The following SLC24A2 variants were observed in gnomAD, a reference collection of about 807,000 sequenced individuals.
SLC24A2 encodes solute carrier family 24 member 2.
SLC24A2 carries 36 observed loss-of-function variants against 62.0 expected under a neutral mutation model. That is an observed-to-expected ratio of 0.58 (90% confidence interval 0.44 to 0.77). The LOEUF is 0.77. Ranked by LOEUF, SLC24A2 falls within the 30% of genes least tolerant of loss-of-function variation. The pLI, the probability that SLC24A2 is intolerant of heterozygous loss-of-function variation, is 0.00. For missense variants in SLC24A2, 846 were observed against 817.9 expected (o/e 1.03, Z -0.42); for synonymous variants, 358 against 294.0 (o/e 1.22, Z -2.23).
At chr9:20,303,594 G>C in the SLC24A2 span, among the ~76,000 whole-genome samples, 6 of 152,078 alleles carry the variant, frequency 3.9e-5, no homozygotes, top group African/African-American at 1.4e-4. Flanking sequence ...CTGGAGGTTT[G>C]CCAAAACAAT....
chr9:19,744,317 C>T (rs186098576), intron 2 of SLC24A2, among the ~76,000 whole-genome samples: 33 of 152,316 alleles, frequency 2.2e-4, no homozygotes, highest in Admixed American at 1.9e-3. Flanking sequence ...AGCCACCTCT[C>T]GCACTGTGTG....
chr9:19,885,220 C>G, the SLC24A2 span, among the ~76,000 whole-genome samples: 5 of 152,172 alleles, frequency 3.3e-5, no homozygotes, highest in African/African-American at 4.8e-5. Flanking sequence ...CCCTTCCTGA[C>G]CCATCACTGT....
chr9:20,244,996 G>A, the SLC24A2 span, among the ~76,000 whole-genome samples: 1 of 152,284 alleles, frequency 6.6e-6, no homozygotes, highest in South Asian at 2.1e-4. Flanking sequence ...GAAAGTACAG[G>A]AAATTGTCAC....
At chr9:19,524,300 A>G (rs1371474806) in intron 9 of SLC24A2, among the ~76,000 whole-genome samples, 1 of 152,076 alleles carries the variant, frequency 6.6e-6, no homozygotes, top group African/African-American at 2.4e-5. Flanking sequence ...TGACTCTTAA[A>G]ATTAATTTCT....
chr9:19,628,738 C>T (rs559461628), intron 2 of SLC24A2, among the ~76,000 whole-genome samples: 1 of 152,146 alleles, frequency 6.6e-6, no homozygotes, highest in Non-Finnish European at 1.5e-5. Context: ...GGTGTCCAAC[C>T]TTTTGGCTTC....
intron 5 of SLC24A2, among the ~76,000 whole-genome samples, chr9:19,577,935 CAGTG>C (rs1836079070): frequency 6.6e-6 from 1 of 151,170 alleles, no homozygotes; most frequent in African/African-American, 2.4e-5. Flanking sequence ...ACAGCATTTG[CAGTG>C]ATCTGAATGA....
the SLC24A2 span, among the ~76,000 whole-genome samples, chr9:19,824,810 C>T: frequency 6.6e-6 from 1 of 152,250 alleles, no homozygotes; most frequent in East Asian, 1.9e-4. Context: ...GAAAATGTGG[C>T]ACATATACAC....
the SLC24A2 span, among the ~76,000 whole-genome samples, chr9:19,939,054 T>G: frequency 4.6e-5 from 7 of 152,374 alleles, 1 homozygote; most frequent in South Asian, 1.4e-3. Flanking sequence ...TCCGTAACTA[T>G]TATGGCAGAT....
At chr9:19,982,354 A>C in the SLC24A2 span, among the ~76,000 whole-genome samples, 2 of 152,198 alleles carry the variant, frequency 1.3e-5, no homozygotes, top group Non-Finnish European at 2.9e-5. Flanking sequence ...AGAGCAGAAT[A>C]ACCCATAAAG....
the SLC24A2 span, among the ~76,000 whole-genome samples, chr9:19,937,333 G>C: frequency 1.4e-4 from 21 of 152,306 alleles, no homozygotes; most frequent in East Asian, 3.9e-3. Flanking sequence ...CAATGTCTTT[G>C]AAATGTACAG....
At chr9:19,734,925 A>G (rs1274068817) in intron 2 of SLC24A2, among the ~76,000 whole-genome samples, 11 of 152,072 alleles carry the variant, frequency 7.2e-5, no homozygotes, top group Non-Finnish European at 1.6e-4. Flanking sequence ...AAACCTAGGC[A>G]ATACCATTCA....
intron 8 of SLC24A2, 42 bp downstream of exon 8, chr9:19,550,095 A>G (rs781486408): frequency 6.2e-6 from 10 of 1,600,324 alleles, no homozygotes; most frequent in East Asian, 4.5e-5. Flanking sequence ...GTTATGTACC[A>G]TATGTTTTAC....
chr9:19,790,932 A>T (rs1334936657), upstream of SLC24A2, among the ~76,000 whole-genome samples: 2 of 152,188 alleles, frequency 1.3e-5, no homozygotes, highest in African/African-American at 4.8e-5. Context: ...CAGCTCAGAG[A>T]TGACCCTGAG....
chr9:20,139,363 G>C, the SLC24A2 span, among the ~76,000 whole-genome samples: 1 of 152,184 alleles, frequency 6.6e-6, no homozygotes, highest in Non-Finnish European at 1.5e-5. Flanking sequence ...AAATGGGGAT[G>C]GCAGCAATAT....
chr9:19,803,372 G>A, the SLC24A2 span, among the ~76,000 whole-genome samples: 1 of 151,962 alleles, frequency 6.6e-6, no homozygotes, highest in Non-Finnish European at 1.5e-5. Flanking sequence ...TTTAGTCTTG[G>A]GATGCTGACA....
chr9:19,824,217 A>G, the SLC24A2 span, among the ~76,000 whole-genome samples: 9 of 152,238 alleles, frequency 5.9e-5, no homozygotes, highest in Non-Finnish European at 1.0e-4. Flanking sequence ...AAAAGAAACT[A>G]TCATCAGAGT....
chr9:19,728,341 A>C (rs926720616), intron 2 of SLC24A2, among the ~76,000 whole-genome samples: 1 of 152,076 alleles, frequency 6.6e-6, no homozygotes, highest in Non-Finnish European at 1.5e-5. Flanking sequence ...CAGCTGGATA[A>C]CTTCACAAAT....
chr9:20,090,597 A>G, the SLC24A2 span, among the ~76,000 whole-genome samples: 1 of 152,024 alleles, frequency 6.6e-6, no homozygotes, highest in Non-Finnish European at 1.5e-5. Flanking sequence ...AAAATTACCT[A>G]ACACCCCCAC....
chr9:19,737,419 T>A (rs1821541531), intron 2 of SLC24A2, among the ~76,000 whole-genome samples: 1 of 152,204 alleles, frequency 6.6e-6, no homozygotes, highest in African/African-American at 2.4e-5. Flanking sequence ...CATGTGTGAA[T>A]GATGGTGTCA....
Sources: allele counts gnomAD v4.1 joint callset (sites outside exome capture counted in the v4.1 genomes callset), GRCh38; gene constraint gnomAD v4.1.1; transcripts MANE v1.5; gene names NCBI Gene and HGNC (gene_info 2026-07-23, HGNC 2026-07-21).